SEPTIN7: variants seen among roughly 807,000 people sequenced by gnomAD.
SEPTIN7 encodes the protein septin-7.
A neutral mutation model predicts 63.3 loss-of-function variants in SEPTIN7; 10 were observed. The ratio of observed to expected loss-of-function variants is 0.16; its 90% CI spans 0.10 to 0.27. The LOEUF is 0.27. Ranked by LOEUF, SEPTIN7 falls within the 10% of genes least tolerant of loss-of-function variation. The probability of loss-of-function intolerance (pLI) is 1.00; values close to 1 mark genes in which losing one functional copy is unlikely to be tolerated. For missense variants in SEPTIN7, 310 were observed against 521.0 expected, an observed-to-expected ratio of 0.59 and a Z score of 3.94; for synonymous variants, 131 against 165.3, an observed-to-expected ratio of 0.79 and a Z score of 1.59.
intron 1 of SEPTIN7, among the ~76,000 whole-genome samples, chr7:35,818,595 G>A (rs1296898104): frequency 2.6e-5 from 4 of 151,944 alleles, no homozygotes; most frequent in Admixed American, 2.6e-4. Flanking sequence ...TTTGTGTAAA[G>A]TTGTGTTTTT....
At chr7:35,805,133 C>T (rs763491564) in intron 1 of SEPTIN7, among the ~76,000 whole-genome samples, 9 of 152,260 alleles carry the variant, frequency 5.9e-5, no homozygotes, top group Admixed American at 1.3e-4. Flanking sequence ...CCTCCTGCCT[C>T]GGCCTCCCAA....
intron 11 of SEPTIN7, among the ~76,000 whole-genome samples, chr7:35,897,143 A>AT (rs199796401): frequency 1.3e-5 from 2 of 152,178 alleles, no homozygotes; most frequent in African/African-American, 4.8e-5. Context: ...CCATGAGTTA[A>AT]TTTTTTAAAA....
intron 3 of SEPTIN7, among the ~76,000 whole-genome samples, chr7:35,862,203 G>T (rs1307876992): frequency 4.0e-5 from 6 of 151,798 alleles, no homozygotes; most frequent in Admixed American, 6.6e-5. Context: ...TTACATTTTG[G>T]TGTGTTACCT....
chr7:35,908,384 G>T (rs1350539427), downstream of SEPTIN7, among the ~76,000 whole-genome samples: 40 of 152,206 alleles, frequency 2.6e-4, no homozygotes, highest in Admixed American at 2.5e-3. Context: ...GCCCCATGGG[G>T]TGCTGGACCC....
chr7:35,807,086 C>T (rs1440848672), intron 1 of SEPTIN7, among the ~76,000 whole-genome samples: 1 of 152,136 alleles, frequency 6.6e-6, no homozygotes, highest in Non-Finnish European at 1.5e-5. Context: ...TATTTGACTC[C>T]AGGAAGTATC....
intron 4 of SEPTIN7, among the ~76,000 whole-genome samples, chr7:35,865,651 A>G (rs558127737): frequency 1.5e-4 from 22 of 150,532 alleles, no homozygotes; most frequent in African/African-American, 4.4e-4. Context: ...ATTTGAGTCT[A>G]TTTTCTTTGA....
Position 35,873,707 on chromosome 7 carries a change from G to A in SEPTIN7, c.444G>A (p.Val148=). The part of the protein sequence containing the change: ...FEDYLNAESR[V]NRRQMPDNRV... ...ACTACCTAAATGCAGAATCACGAGT[G>A]AACAGACGTCAGATGCCTGATAACA... The change falls in exon 6 of 14, where the codon GTG becomes GTA. Residue 148 remains valine, a synonymous_variant. Coordinates refer to ENST00000350320, the MANE Select transcript of SEPTIN7 (RefSeq NM_001788.6). The A allele has an allele frequency of 6.2e-7, 1 of 1,610,954 alleles. No individual in the cohort carries two copies. The highest frequency in any genetic ancestry group is 8.5e-7 in the Non-Finnish European group (1 of 1,179,164).
At chr7:35,848,496 T>C (rs1317544490) in intron 3 of SEPTIN7, among the ~76,000 whole-genome samples, 1 of 152,132 alleles carries the variant, frequency 6.6e-6, no homozygotes, top group African/African-American at 2.4e-5. Context: ...GGTCTTGATC[T>C]CCTGACCTCG....
intron 1 of SEPTIN7, among the ~76,000 whole-genome samples, chr7:35,813,993 CTTCA>C (rs1788894474): frequency 6.6e-6 from 1 of 151,586 alleles, no homozygotes; most frequent in South Asian, 2.1e-4. Context: ...ACTTCAACAA[CTTCA>C]TTCATTTAAC....
chr7:35,857,001 A>G (rs1488855239), intron 3 of SEPTIN7, among the ~76,000 whole-genome samples: 2 of 152,170 alleles, frequency 1.3e-5, no homozygotes, highest in African/African-American at 2.4e-5. Flanking sequence ...TGATTCTAAG[A>G]TAAGATCTAC....
At chr7:35,837,797 T>C (rs1784150768) in intron 3 of SEPTIN7, among the ~76,000 whole-genome samples, 1 of 152,176 alleles carries the variant, frequency 6.6e-6, no homozygotes. Context: ...AGTGGTGCAG[T>C]GTTGGTCCAC....
intron 1 of SEPTIN7, 122 bp downstream of exon 1, chr7:35,801,392 G>C: frequency 7.8e-7 from 1 of 1,275,692 alleles, no homozygotes; most frequent in Non-Finnish European, 1.0e-6. Context: ...GGCGAGGGGA[G>C]CCGGGATGGG....
chr7:35,817,310 T>C (rs1789135017), intron 1 of SEPTIN7, among the ~76,000 whole-genome samples: 1 of 152,130 alleles, frequency 6.6e-6, no homozygotes, highest in Non-Finnish European at 1.5e-5. Flanking sequence ...GACTAGTCTT[T>C]TTCCATTGTG....
chr7:35,816,106 ATAC>A (rs1789040912), intron 1 of SEPTIN7, among the ~76,000 whole-genome samples: 1 of 152,184 alleles, frequency 6.6e-6, no homozygotes. Flanking sequence ...GCCATAAAAT[ATAC>A]CCCTTGAAAG....
At position 35,895,441 on chromosome 7, in the gene SEPTIN7, CTA is replaced by C. The variant is rs1406372452; in HGVS notation, c.999-2806_999-2805del. On this transcript the variant is annotated intron_variant, in intron 11 of 13. Coordinates refer to ENST00000350320, the MANE Select transcript of SEPTIN7 (RefSeq NM_001788.6). ...ATTTGGTCAGATTATTTTTACAAGA[CTA>C]AAAAACTTACAGTATCTTAACTGTT... Among the ~76,000 whole-genome samples, 7 of 152,086 alleles carry C rather than the reference CTA, an allele frequency of 4.6e-5. No individual in the cohort carries two copies. The East Asian group carries it at 1.2e-3, about 25-fold the overall frequency.
At position 35,838,236 on chromosome 7, in the gene SEPTIN7, ACTTCCTTCCTTCCTTCCTTC is replaced by A. The variant is rs1167892518; in HGVS notation, c.169+5386_169+5405del. Among the ~76,000 whole-genome samples the A allele has an allele frequency of 7.0e-3, 413 of 58,864 alleles. 13 individuals carry two copies. Among genetic ancestry groups the A allele is most frequent in the Admixed American group, 0.01 (53 of 5,220 alleles). The allele number at this position is 58,864 out of a possible 152,430, so 38.6% of individuals were successfully genotyped here. ...TTAGCTTGATTTTTATATTATCCAA[ACTTCCTTCCTTCCTTCCTTC>A]CTTCCTTCCTTCCTTCCTTCCTTCC... On this transcript the variant is annotated intron_variant, in intron 3 of 13. Transcript: ENST00000350320.
intron 6 of SEPTIN7, 147 bp from the exon 7 acceptor site, chr7:35,879,676 C>T: frequency 3.4e-6 from 2 of 596,800 alleles, no homozygotes; most frequent in Non-Finnish European, 6.2e-6. Flanking sequence ...CCTGTTCTAC[C>T]TAACTTTTGC....
intron 12 of SEPTIN7, chr7:35,899,607 G>T (rs1337379472): frequency 1.3e-5 from 2 of 152,196 alleles, no homozygotes; most frequent in African/African-American, 4.8e-5. Context: ...TGAGGTCCAG[G>T]TGTGGTGGCT....
chr7:35,882,881 C>T (rs1357519004), intron 8 of SEPTIN7, among the ~76,000 whole-genome samples: 3 of 151,938 alleles, frequency 2.0e-5, no homozygotes, highest in Non-Finnish European at 4.4e-5. Flanking sequence ...GGAGAGAATT[C>T]GTTCTGTTAT....
Sources: gnomAD v4.1 joint callset for allele counts (sites outside exome capture counted in the v4.1 genomes callset) on GRCh38, gnomAD v4.1.1 for gene constraint, MANE v1.5 for transcripts, NCBI Gene and HGNC (gene_info 2026-07-23, HGNC 2026-07-21) for gene names.